The following FAM241A variants were observed in gnomAD, a reference collection of about 807,000 sequenced individuals.
The protein encoded by FAM241A is uncharacterized protein FAM241A.
FAM241A carries 7 observed loss-of-function variants against 12.2 expected under a neutral mutation model. That is an observed-to-expected ratio of 0.58 (90% CI 0.33 to 1.08). The LOEUF (loss-of-function observed/expected upper bound fraction) is 1.08. Among genes scored for constraint, FAM241A ranks in the 50% least tolerant of loss-of-function variants. The pLI, the probability that FAM241A is intolerant of heterozygous loss-of-function variation, is 0.04. For synonymous variants in FAM241A, 74 were observed against 68.2 expected, an observed-to-expected ratio of 1.08 and a Z score of -0.42; for missense variants, 161 against 169.7, an observed-to-expected ratio of 0.95 and a Z score of 0.29.
chr4:112,176,067 C>T (rs1723814591), intron 1 of FAM241A, among the ~76,000 whole-genome samples: 1 of 152,170 alleles, frequency 6.6e-6, no homozygotes, highest in African/African-American at 2.4e-5. Flanking sequence ...GTAGCTTGTG[C>T]CCTTTCCAAA....
chr4:112,159,441 C>A (rs1405461148), intron 1 of FAM241A, among the ~76,000 whole-genome samples: 1 of 152,136 alleles, frequency 6.6e-6, no homozygotes, highest in Non-Finnish European at 1.5e-5. Context: ...TTAAAGGGTG[C>A]ATTTATTATA....
chr4:112,172,700 A>C (rs1289132623), intron 1 of FAM241A, among the ~76,000 whole-genome samples: 1 of 152,220 alleles, frequency 6.6e-6, no homozygotes, highest in Non-Finnish European at 1.5e-5. Flanking sequence ...AAAGTTAAGG[A>C]TGTAATATTA....
intron 1 of FAM241A, among the ~76,000 whole-genome samples, chr4:112,160,404 CAAA>C (rs34894300): frequency 4.1e-5 from 5 of 121,644 alleles, no homozygotes; most frequent in Non-Finnish European, 3.6e-5. Context: ...AACTCCATCT[CAAA>C]AAAAAAAAAA....
intron 1 of FAM241A, among the ~76,000 whole-genome samples, chr4:112,169,190 G>A (rs375094530): frequency 1.1e-3 from 169 of 152,174 alleles, no homozygotes; most frequent in African/African-American, 4.0e-3. Flanking sequence ...CCAGAAGAGC[G>A]GCATCAGTGA....
chr4:112,153,386 C>T (rs1723282148), intron 1 of FAM241A, among the ~76,000 whole-genome samples: 1 of 152,156 alleles, frequency 6.6e-6, no homozygotes, highest in African/African-American at 2.4e-5. Context: ...TTCTGTGTCT[C>T]TATTCATGTG....
chr4:112,158,220 T>G (rs183166593), intron 1 of FAM241A, among the ~76,000 whole-genome samples: 1 of 152,236 alleles, frequency 6.6e-6, no homozygotes, highest in East Asian at 1.9e-4. Context: ...GATTCGCTAT[T>G]TGGAAATCAA....
At chr4:112,171,159 A>G in intron 1 of FAM241A, 2 of 488,528 alleles carry the variant, frequency 4.1e-6, no homozygotes, top group South Asian at 3.7e-5. Flanking sequence ...AAACCACAAA[A>G]CCATTTTAAA....
Position 112,186,725 on chromosome 4 carries a change from G to A in FAM241A, c.186G>A (p.Glu62=). 1 of 1,613,024 alleles carries A rather than the reference G, an allele frequency of 6.2e-7. No individual in the cohort carries two copies. The highest frequency in any genetic ancestry group is 8.5e-7 in the Non-Finnish European group (1 of 1,179,664). Residue 62 remains glutamate (E), a synonymous_variant, in exon 2 of 2, where the codon GAG becomes GAA. Transcript: ENST00000309733. ...DVEDSQNHTG[E]PVGDDYKKMG... is the part of the protein sequence containing the mutation. ...AAGACTCACAGAACCACACTGGTGA[G>A]CCGGTTGGAGATGACTACAAGAAAA...
At chr4:112,173,251 T>C (rs1228496452) in intron 1 of FAM241A, among the ~76,000 whole-genome samples, 4 of 152,218 alleles carry the variant, frequency 2.6e-5, no homozygotes, top group Non-Finnish European at 5.9e-5. Context: ...CAGAGCATTC[T>C]TGATTTACTT....
Position 112,190,023 on chromosome 4 carries a change from C to T in FAM241A, c.*3085C>T, listed in dbSNP as rs1306629394. 1 of 141,172 alleles carries T rather than the reference C, an allele frequency of 7.1e-6. No homozygotes were observed. The highest frequency in any genetic ancestry group is 2.0e-4 in the East Asian group (1 of 5,060). 8.7% of individuals were successfully genotyped at this position (141,172 alleles called of 1,614,324 possible). ...TCGACCCACCCAAAACTGAATCTGGCTCTTTCCCTTGTGGGTATTATGGTT... is the reference window on the plus strand; with the variant it reads ...TCGACCCACCCAAAACTGAATCTGGTTCTTTCCCTTGTGGGTATTATGGTT... On this transcript the variant is annotated 3_prime_UTR_variant, in exon 2 of 2. Coordinates refer to ENST00000309733, the MANE Select transcript of FAM241A (RefSeq NM_152400.3).
intron 1 of FAM241A, among the ~76,000 whole-genome samples, chr4:112,156,576 C>A (rs1378549496): frequency 6.6e-6 from 1 of 152,220 alleles, no homozygotes; most frequent in East Asian, 1.9e-4. Context: ...AGAGATGAAT[C>A]TGTCAAAACT....
Position 112,145,459 on chromosome 4 carries a change from G to C in FAM241A, c.-122G>C. The C allele has an allele frequency of 9.9e-7, 1 of 1,013,268 alleles. No individual in the cohort carries two copies. Among genetic ancestry groups the C allele is most frequent in the Non-Finnish European group, 1.2e-6 (1 of 803,500 alleles). The allele number at this position is 1,013,268 out of a possible 1,614,324, so 62.8% of individuals were successfully genotyped here. On this transcript the variant is annotated 5_prime_UTR_variant, in exon 1 of 2. Transcript: ENST00000309733. The stretch of plus-strand genomic sequence containing the variant: ...CGCCCAGGCCGGCGGGGCGCGCTCC[G>C]GCGGCTCCTGTCAGCGGCGGGTGCG...
intron 1 of FAM241A, among the ~76,000 whole-genome samples, chr4:112,160,453 T>C (rs1398124294): frequency 6.8e-6 from 1 of 146,312 alleles, no homozygotes; most frequent in African/African-American, 2.5e-5. Context: ...ATTGGAAGAA[T>C]CAATATTGTT....
chr4:112,163,930 A>C (rs866903717), intron 1 of FAM241A, among the ~76,000 whole-genome samples: 2 of 152,264 alleles, frequency 1.3e-5, no homozygotes, highest in South Asian at 2.1e-4. Flanking sequence ...AATACTATGC[A>C]GCCATAAAAA....
chr4:112,169,010 A>G (rs185650611), intron 1 of FAM241A, among the ~76,000 whole-genome samples: 61 of 152,356 alleles, frequency 4.0e-4, no homozygotes, highest in Admixed American at 1.6e-3. Flanking sequence ...CTCTTTAAAT[A>G]TAATATGGAA....
chr4:112,152,667 C>T (rs1179536522), intron 1 of FAM241A, among the ~76,000 whole-genome samples: 1 of 152,140 alleles, frequency 6.6e-6, no homozygotes, highest in Admixed American at 6.5e-5. Context: ...CCCCACGCAT[C>T]TCAACCACTT....
intron 1 of FAM241A, among the ~76,000 whole-genome samples, chr4:112,156,781 C>A (rs561606099): frequency 6.6e-5 from 10 of 152,224 alleles, no homozygotes; most frequent in African/African-American, 2.4e-4. Context: ...GTGCATTGAG[C>A]TTAAAAGATT....
At position 112,191,650 on chromosome 4, in the gene FAM241A, T is replaced by TTG. The variant is rs2110439278; in HGVS notation, c.*4712_*4713insTG. Reference sequence around the variant, plus strand: ...AACTGCTCCCTACCAGACTGACCAATATCTACACAGCCTTAAGACCTCAAG... The same window carrying TTG: ...AACTGCTCCCTACCAGACTGACCAATTGATCTACACAGCCTTAAGACCTCAAG... On this transcript the variant is annotated 3_prime_UTR_variant, in exon 2 of 2. Transcript: ENST00000309733. 6.9e-6 allele frequency: 1 copy of TTG among 144,960 alleles called. No homozygotes were observed. Among genetic ancestry groups the TTG allele is most frequent in the East Asian group, 2.1e-4 (1 of 4,744 alleles). The allele number at this position is 144,960 out of a possible 1,614,324, so 9.0% of individuals were successfully genotyped here.
rs1724215717 is a variant in FAM241A, at chr4:112,193,858, A to G, written c.*6920A>G. 2.0e-5 allele frequency: 3 copies of G among 149,026 alleles called. No individual in the cohort carries two copies. Among genetic ancestry groups the G allele is most frequent in the Non-Finnish European group, 4.5e-5 (3 of 67,028 alleles). The allele number at this position is 149,026 out of a possible 1,614,324, so 9.2% of individuals were successfully genotyped here. A position where few individuals can be genotyped will look rare whatever the true frequency, so the allele number is the denominator to read the frequency against. ...TCTTTTTTGGTTCCATATGAACTTT[A>G]AAGTAGTTTTTTCCAATTCTGTGAA... On this transcript the variant is annotated 3_prime_UTR_variant, in exon 2 of 2. Transcript: ENST00000309733.
Sources: allele counts gnomAD v4.1 joint callset (sites outside exome capture counted in the v4.1 genomes callset), GRCh38; gene constraint gnomAD v4.1.1; transcripts MANE v1.5; gene names NCBI Gene and HGNC (gene_info 2026-07-23, HGNC 2026-07-21).